ZNF248: variants seen among roughly 807,000 people sequenced by gnomAD.
ZNF248 encodes the protein KRAB protein domain.
Under a neutral mutation model 44.3 loss-of-function variants are expected in ZNF248, and 20 were observed. The observed-to-expected ratio is 0.45, with a 90% CI of 0.32 to 0.66. The LOEUF (loss-of-function observed/expected upper bound fraction) is 0.66. Ranked by LOEUF, ZNF248 falls within the 30% of genes least tolerant of loss-of-function variation. The pLI is 0.04. For missense variants in ZNF248, 654 were observed against 677.0 expected, an observed-to-expected ratio of 0.97 and a Z score of 0.38; for synonymous variants, 224 against 229.0, an observed-to-expected ratio of 0.98 and a Z score of 0.20.
At chr10:37,836,819 C>T in intron 5 of ZNF248, among the ~76,000 whole-genome samples, 1 of 150,728 alleles carries the variant, frequency 6.6e-6, no homozygotes, top group Non-Finnish European at 1.5e-5. Flanking sequence ...TTTTTTTGTC[C>T]TTTATTTTAA....
At chr10:37,811,399 T>C (rs1293438052) in intron 6 of ZNF248, among the ~76,000 whole-genome samples, 3 of 151,896 alleles carry the variant, frequency 2.0e-5, no homozygotes, top group Non-Finnish European at 4.4e-5. Flanking sequence ...ATCTGAGAAA[T>C]AGTGAAGTTA....
In ZNF248 at chr10:37,830,023, G is replaced by C; in HGVS notation, c.*1592C>G. ...AACTGCTGACCAATGTGTTCCAAGG[G>C]GGCAAAAGAAACAACAGGACAAGGG... On this transcript the variant is annotated 3_prime_UTR_variant, in exon 6 of 6. Transcript: ENST00000395867. 1 of 985,282 alleles carries C rather than the reference G, an allele frequency of 1.0e-6. No individual in the cohort carries two copies. The highest frequency in any genetic ancestry group is 1.2e-6 in the Non-Finnish European group (1 of 829,922). 61.0% of individuals were successfully genotyped at this position (985,282 alleles called of 1,614,324 possible).
intron 6 of ZNF248, among the ~76,000 whole-genome samples, chr10:37,809,476 C>T (rs918549911): frequency 6.6e-6 from 1 of 152,184 alleles, no homozygotes; most frequent in Non-Finnish European, 1.5e-5. Flanking sequence ...CAGGGTTTCA[C>T]CATTTTGGCC....
At chr10:37,848,806 G>A (rs1388953406) in intron 3 of ZNF248, among the ~76,000 whole-genome samples, 2 of 152,074 alleles carry the variant, frequency 1.3e-5, no homozygotes, top group Non-Finnish European at 2.9e-5. Context: ...TACAATCCTT[G>A]AATTGGCCTT....
At chr10:37,856,194 AT>A in intron 3 of ZNF248, 101 bp downstream of exon 3, 1 of 1,341,850 alleles carries the variant, frequency 7.5e-7, no homozygotes. Flanking sequence ...CTTAATGTCA[AT>A]TTTTGCCTAT....
the ZNF248 span, among the ~76,000 whole-genome samples, chr10:37,764,380 C>T: frequency 1.8e-4 from 27 of 152,286 alleles, no homozygotes; most frequent in South Asian, 5.6e-3. Context: ...TTATCAATGA[C>T]AATGCGTGCC....
At chr10:37,844,895 T>C (rs776820728) in intron 3 of ZNF248, among the ~76,000 whole-genome samples, 1 of 107,400 alleles carries the variant, frequency 9.3e-6, no homozygotes, top group Admixed American at 9.8e-5. Context: ...TTTCCTTCCT[T>C]TCCTTTTCTT....
At chr10:37,791,127 T>C (rs1413017799) in intron 6 of ZNF248, among the ~76,000 whole-genome samples, 1 of 132,932 alleles carries the variant, frequency 7.5e-6, no homozygotes, top group African/African-American at 2.8e-5. Flanking sequence ...GATCTGAACC[T>C]GCTTCCCGGG....
At chr10:37,845,294 G>A (rs879804218) in intron 3 of ZNF248, among the ~76,000 whole-genome samples, 12 of 151,378 alleles carry the variant, frequency 7.9e-5, no homozygotes, top group Non-Finnish European at 1.3e-4. Flanking sequence ...CTGGGATTAC[G>A]GGCAAGAGCC....
At chr10:37,774,021 A>T (rs1267354136), downstream of ZNF248, among the ~76,000 whole-genome samples, 1 of 152,064 alleles carries the variant, frequency 6.6e-6, no homozygotes, top group Non-Finnish European at 1.5e-5. Flanking sequence ...AGGCACATGC[A>T]CCCATATCCT....
At chr10:37,820,221 G>A (rs2053231223) in intron 6 of ZNF248, 1 of 1,327,544 alleles carries the variant, frequency 7.5e-7, no homozygotes, top group Admixed American at 1.7e-5. Flanking sequence ...GTCGGACTGG[G>A]TCTGTCTGTG....
intron 6 of ZNF248, among the ~76,000 whole-genome samples, chr10:37,804,775 T>G (rs1371738879): frequency 6.6e-6 from 1 of 152,222 alleles, no homozygotes; most frequent in African/African-American, 2.4e-5. Flanking sequence ...ATATCAAGGA[T>G]GGGTTATCAA....
chr10:37,804,101 C>CTTTTT (rs59261731), intron 6 of ZNF248, among the ~76,000 whole-genome samples: 5 of 124,940 alleles, frequency 4.0e-5, no homozygotes, highest in Non-Finnish European at 8.1e-5. Context: ...TTTTCTTTTT[C>CTTTTT]TTTTTTTTTT....
intron 6 of ZNF248, chr10:37,791,909 T>C (rs372563726): frequency 6.6e-5 from 10 of 152,258 alleles, no homozygotes; most frequent in South Asian, 4.1e-4. Flanking sequence ...ATCACCATAG[T>C]GTCAGCTGCC....
intron 6 of ZNF248, among the ~76,000 whole-genome samples, chr10:37,797,770 C>A (rs1323145171): frequency 1.3e-5 from 2 of 152,010 alleles, no homozygotes; most frequent in Non-Finnish European, 2.9e-5. Context: ...CTTTCACACC[C>A]ACTAGAAAAG....
Position 37,838,053 on chromosome 10 carries a change from A to C in ZNF248, c.74T>G (p.Leu25Arg). 1 of 1,613,888 alleles carries C rather than the reference A, an allele frequency of 6.2e-7. No homozygotes were observed. Among genetic ancestry groups the C allele is most frequent in the Non-Finnish European group, 8.5e-7 (1 of 1,179,810 alleles). ...GTATAGAATCTTCTGAGCAGGGTCC[A>C]GCAGATACCACTCTTCCTGAGTGAA... ...VDFTQEEWYLLDPAQKILYRD... is the reference protein window; with the variant it reads ...VDFTQEEWYLRDPAQKILYRD... Residue 25 changes from leucine (L) to arginine (R), a missense_variant, in exon 4 of 6, where the codon CTG (leucine) becomes CGG (arginine). Physicochemically the swap from Leu to Arg is moderately radical, Grantham distance 102 (BLOSUM62 -2). Coordinates refer to ENST00000395867, the MANE Select transcript of ZNF248 (RefSeq NM_021045.3).
At chr10:37,801,862 C>T (rs2133221581) in intron 6 of ZNF248, among the ~76,000 whole-genome samples, 1 of 152,280 alleles carries the variant, frequency 6.6e-6, no homozygotes, top group Non-Finnish European at 1.5e-5. Context: ...CTTCTGGATA[C>T]TCTGAATCTT....
chr10:37,763,947 G>A, the ZNF248 span, among the ~76,000 whole-genome samples: 1 of 152,086 alleles, frequency 6.6e-6, no homozygotes, highest in Non-Finnish European at 1.5e-5. Context: ...TGTTGCCTCA[G>A]GACCCTGTGA....
At chr10:37,835,225 A>G (rs1185111092) in intron 5 of ZNF248, among the ~76,000 whole-genome samples, 1 of 152,198 alleles carries the variant, frequency 6.6e-6, no homozygotes, top group Non-Finnish European at 1.5e-5. Flanking sequence ...CTTTTGAGTT[A>G]TATCAGTGAA....
Sources: gnomAD v4.1 joint callset for allele counts (sites outside exome capture counted in the v4.1 genomes callset) on GRCh38, gnomAD v4.1.1 for gene constraint, MANE v1.5 for transcripts, NCBI Gene and HGNC (gene_info 2026-07-23, HGNC 2026-07-21) for gene names.